Variants in DHX33 observed in about 807,000 individuals in gnomAD.
DHX33 encodes DEAH-box helicase 33.
In DHX33, 42 loss-of-function variants were observed where a neutral mutation model predicts 72.5. The observed-to-expected ratio is 0.58, with a 90% confidence interval of 0.45 to 0.75. The LOEUF (loss-of-function observed/expected upper bound fraction) is 0.75. Ranked by LOEUF, DHX33 falls within the 30% of genes least tolerant of loss-of-function variation. DHX33 has a pLI of 0.00. For missense variants in DHX33, 842 were observed against 917.5 expected (o/e 0.92, Z 1.06); for synonymous variants, 358 against 366.1 (o/e 0.98, Z 0.25).
At chr17:5,459,040 A>T (rs780208215) in intron 4 of DHX33, among the ~76,000 whole-genome samples, 3 of 152,014 alleles carry the variant, frequency 2.0e-5, no homozygotes, top group Non-Finnish European at 4.4e-5. Flanking sequence ...TCTACAAAAC[A>T]TAAAAAAAAA....
In DHX33 at chr17:5,442,514, C is replaced by A. The variant is rs1916475096; in HGVS notation, c.*1691G>T. The A allele has an allele frequency of 6.6e-6, 1 of 152,112 alleles. No homozygotes were observed. The highest frequency in any genetic ancestry group is 1.5e-5 in the Non-Finnish European group (1 of 68,020). The allele number at this position is 152,112 out of a possible 1,614,324, so 9.4% of individuals were successfully genotyped here. A position where few individuals can be genotyped will look rare whatever the true frequency, so the allele number is the denominator to read the frequency against. On this transcript the variant is annotated 3_prime_UTR_variant, in exon 12 of 12. Coordinates refer to ENST00000225296, the MANE Select transcript of DHX33 (RefSeq NM_020162.4). The stretch of plus-strand genomic sequence containing the variant: ...CCCACGTATAACCATTTCTGACAGA[C>A]AGCCCTAAACACTAGCTGAGAGCTT...
At chr17:5,456,833 C>A (rs1200667546) in intron 4 of DHX33, among the ~76,000 whole-genome samples, 1 of 152,170 alleles carries the variant, frequency 6.6e-6, no homozygotes, top group Non-Finnish European at 1.5e-5. Context: ...AATGAACAGG[C>A]GCAGCCATGC....
intron 1 of DHX33, 82 bp from the exon 2 acceptor site, chr17:5,463,771 A>G: frequency 1.5e-6 from 2 of 1,375,968 alleles, no homozygotes; most frequent in Non-Finnish European, 1.9e-6. Flanking sequence ...CTATAATCTC[A>G]GCACTTTGGG....
chr17:5,460,561 C>T (rs1409531507), intron 4 of DHX33, among the ~76,000 whole-genome samples: 1 of 150,650 alleles, frequency 6.6e-6, no homozygotes, highest in African/African-American at 2.4e-5. Context: ...GGCTGGAGTG[C>T]AGTGGTGCAA....
chr17:5,462,338 A>C lies in DHX33; in HGVS notation c.659T>G (p.Leu220Arg), dbSNP rs1330169918. The change falls in exon 3 of 12, where the codon CTC becomes CGC. Residue 220 changes from leucine (L) to arginine (R), a missense_variant. Transcript: ENST00000225296. The stretch of plus-strand genomic sequence containing the variant: ...TCATACTTTCAGAGGAAGTTTCCCG[A>C]GTTCCTTTCTCCTCTTCTGTGCAGC... ...VKAAQKRRKELGKLPLKVIVM... is the reference protein window; with the variant it reads ...VKAAQKRRKERGKLPLKVIVM... 2 of 1,613,526 alleles carry C rather than the reference A, an allele frequency of 1.2e-6. No homozygotes were observed. Among genetic ancestry groups the C allele is most frequent in the East Asian group, 2.2e-5 (1 of 44,902 alleles).
Position 5,453,542 on chromosome 17 carries a change from C to T in DHX33, c.1396+38G>A, listed in dbSNP as rs753410434. The T allele has an allele frequency of 1.7e-5, 27 of 1,558,330 alleles. No individual in the cohort carries two copies. In the South Asian group the frequency reaches 2.6e-4, roughly 15 times the overall value. ...AGTGTCCATTTGTTGTTGTTTGTCT[C>T]CTCACCCACCTTCTGCAAAACTGTG... On this transcript the variant is annotated intron_variant, in intron 8 of 11. Transcript: ENST00000225296.
chr17:5,468,830 G>C lies in DHX33; in HGVS notation c.30C>G (p.Ala10=). The C allele has an allele frequency of 8.3e-6, 13 of 1,570,244 alleles. No homozygotes were observed. The highest frequency in any genetic ancestry group is 1.0e-5 in the Non-Finnish European group (12 of 1,158,652). The change falls in exon 1 of 12, where the codon GCC becomes GCG. Residue 10 remains alanine, a synonymous_variant. Coordinates refer to ENST00000225296, the MANE Select transcript of DHX33 (RefSeq NM_020162.4). Reference sequence around the variant, plus strand: ...GTCCAGAGCCTGGCCGGAATCTCTTGGCCGGCGGGAAGCCCGCCTCCTCCG... The same window carrying C: ...GTCCAGAGCCTGGCCGGAATCTCTTCGCCGGCGGGAAGCCCGCCTCCTCCG... MPEEAGFPP[A]KRFRPGSGPP... is the part of the protein sequence containing the mutation.
intron 11 of DHX33, among the ~76,000 whole-genome samples, chr17:5,448,465 A>G (rs1467958439): frequency 6.6e-6 from 1 of 152,208 alleles, no homozygotes; most frequent in Non-Finnish European, 1.5e-5. Flanking sequence ...GTCAAATACT[A>G]TACACAACTT....
intron 11 of DHX33, among the ~76,000 whole-genome samples, chr17:5,445,182 T>G (rs544311969): frequency 1.4e-4 from 22 of 151,992 alleles, no homozygotes; most frequent in Non-Finnish European, 2.8e-4. Context: ...AGGTTCAAGC[T>G]ATTCTCCTGC....
At chr17:5,468,543 G>A in intron 1 of DHX33, 28 bp downstream of exon 1, 1 of 1,598,216 alleles carries the variant, frequency 6.3e-7, no homozygotes, top group African/African-American at 1.3e-5. Flanking sequence ...CGAAGTGCAA[G>A]GAAGAGCCCG....
chr17:5,466,598 A>G (rs531876884), intron 1 of DHX33, among the ~76,000 whole-genome samples: 1 of 152,354 alleles, frequency 6.6e-6, no homozygotes, highest in South Asian at 2.1e-4. Context: ...GAAAAATTTT[A>G]TGAGAGGAAA....
intron 4 of DHX33, among the ~76,000 whole-genome samples, chr17:5,457,077 C>T (rs551758359): frequency 1.3e-5 from 2 of 152,196 alleles, no homozygotes; most frequent in Non-Finnish European, 2.9e-5. Context: ...GAGGCCGAGG[C>T]GGCCAGATCA....
Position 5,442,135 on chromosome 17 carries a change from C to G in DHX33, c.*2070G>C, listed in dbSNP as rs1280094506. Reference sequence around the variant, plus strand: ...GTCTTGAACTTCTCAAGCAATCCACCCACCTCAGCCTCCCATCCCAATGCT... The same window carrying G: ...GTCTTGAACTTCTCAAGCAATCCACGCACCTCAGCCTCCCATCCCAATGCT... On this transcript the variant is annotated 3_prime_UTR_variant, in exon 12 of 12. Transcript: ENST00000225296. 6.6e-6 allele frequency: 1 copy of G among 152,134 alleles called. No homozygotes were observed. Among genetic ancestry groups the G allele is most frequent in the Admixed American group, 6.6e-5 (1 of 15,258 alleles). The allele number at this position is 152,134 out of a possible 1,614,324, so 9.4% of individuals were successfully genotyped here.
intron 11 of DHX33, among the ~76,000 whole-genome samples, chr17:5,445,816 C>T (rs1000835713): frequency 7.9e-5 from 12 of 152,132 alleles, no homozygotes; most frequent in African/African-American, 2.2e-4. Context: ...GAGAAAGTGG[C>T]GGGCCTGGCT....
Position 5,468,260 on chromosome 17 carries a change from A to C in DHX33, c.289+311T>G, listed in dbSNP as rs1201867074. Among the ~76,000 whole-genome samples, 8 of 151,948 alleles carry C rather than the reference A, an allele frequency of 5.3e-5. No individual in the cohort carries two copies. In the East Asian group the frequency reaches 1.5e-3, roughly 29 times the overall value. ...GCCCTCCCTCCCACACGACCTCCCC[A>C]GCCGCCTCCTCACAAACCGGGTCAG... On this transcript the variant is annotated intron_variant, in intron 1 of 11. Coordinates refer to ENST00000225296, the MANE Select transcript of DHX33 (RefSeq NM_020162.4).
intron 1 of DHX33, among the ~76,000 whole-genome samples, chr17:5,466,307 T>G (rs149265935): frequency 2.6e-5 from 4 of 152,360 alleles, no homozygotes; most frequent in African/African-American, 9.6e-5. Context: ...CCGAGCACAC[T>G]GAAAGTAGGC....
In DHX33 at chr17:5,468,776, G is replaced by A. The variant is rs766745491; in HGVS notation, c.84C>T (p.Pro28=). 4 of 1,608,572 alleles carry A rather than the reference G, an allele frequency of 2.5e-6. No homozygotes were observed. Among genetic ancestry groups the A allele is most frequent in the Non-Finnish European group, 3.4e-6 (4 of 1,177,904 alleles). Residue 28 remains proline, a synonymous_variant, in exon 1 of 12, where the codon CCC becomes CCT. Coordinates refer to ENST00000225296, the MANE Select transcript of DHX33 (RefSeq NM_020162.4). ...TCAGCAGCATCACCACTTGCCTCCC[G>A]GGAGGGAAGGACCCAGCGCGGCTCG... ...GPPSRAGSFP[P]GRQVVMLLTA...
chr17:5,461,656 T>C (rs1219984152), intron 3 of DHX33, among the ~76,000 whole-genome samples: 2 of 150,770 alleles, frequency 1.3e-5, no homozygotes, highest in Non-Finnish European at 2.9e-5. Flanking sequence ...CAAGTGACTC[T>C]CCTGCCTCAG....
At chr17:5,464,031 A>C (rs1307323174) in intron 1 of DHX33, among the ~76,000 whole-genome samples, 1 of 149,342 alleles carries the variant, frequency 6.7e-6, no homozygotes, top group Non-Finnish European at 1.5e-5. Flanking sequence ...AAAATAATAA[A>C]AATAAAAAAA....
Sources: allele counts gnomAD v4.1 joint callset (sites outside exome capture counted in the v4.1 genomes callset), GRCh38; gene constraint gnomAD v4.1.1; transcripts MANE v1.5; gene names NCBI Gene and HGNC (gene_info 2026-07-23, HGNC 2026-07-21).